CAPN8: variants seen among roughly 807,000 people sequenced by gnomAD.
The protein encoded by CAPN8 is calpain 8.
CAPN8 carries 87 observed loss-of-function variants against 80.9 expected under a neutral mutation model. The ratio of observed to expected loss-of-function variants is 1.07; its 90% CI spans 0.90 to 1.28. CAPN8 has a LOEUF of 1.28. Among genes scored for constraint, CAPN8 ranks in the 50% most tolerant of loss-of-function variants. The pLI, the probability that CAPN8 is intolerant of heterozygous loss-of-function variation, is 0.00. For missense variants in CAPN8, 757 were observed against 702.0 expected, an observed-to-expected ratio of 1.08 and a Z score of -0.89; for synonymous variants, 299 against 273.8, an observed-to-expected ratio of 1.09 and a Z score of -0.91.
At chr1:223,544,334 C>T in intron 18 of CAPN8, 151 bp from the exon 19 acceptor site, 1 of 609,572 alleles carries the variant, frequency 1.6e-6, no homozygotes, top group Non-Finnish European at 2.9e-6. Context: ...CAGGGGATCC[C>T]AGAAGGTGTC....
At chr1:223,619,514 CATACTGAGCACGG>C in intron 8 of CAPN8, 61 bp from the exon 9 acceptor site, 1 of 1,531,592 alleles carries the variant, frequency 6.5e-7, no homozygotes, top group Non-Finnish European at 8.8e-7. Context: ...TAAAGGCACG[CATACTGAGCACGG>C]GAAGGAGCCC....
At chr1:223,616,669 T>C (rs966624857) in intron 9 of CAPN8, among the ~76,000 whole-genome samples, 8 of 152,212 alleles carry the variant, frequency 5.3e-5, no homozygotes, top group Non-Finnish European at 4.4e-5. Flanking sequence ...GCCATCTGAT[T>C]GACACCTATT....
At chr1:223,612,197 C>A in intron 11 of CAPN8, 49 bp downstream of exon 11, 5 of 1,233,306 alleles carry the variant, frequency 4.1e-6, no homozygotes, top group Non-Finnish European at 5.1e-6. Flanking sequence ...CTGAAGGCAG[C>A]CAAGCTATTT....
intron 9 of CAPN8, chr1:223,617,280 T>TTG (rs1553336229): frequency 0.056 from 7,649 of 137,178 alleles, 283 homozygotes; most frequent in Non-Finnish European, 0.07. Context: ...ACTTTTTTTT[T>TTG]GGGGGGGGGG....
chr1:223,620,764 G>A (rs931125552), intron 7 of CAPN8, among the ~76,000 whole-genome samples: 9 of 152,092 alleles, frequency 5.9e-5, no homozygotes, highest in Admixed American at 6.5e-5. Flanking sequence ...TTACACCCAC[G>A]AGAATGATCA....
At chr1:223,553,995 A>G (rs1386728168) in intron 13 of CAPN8, 95 bp from the exon 14 acceptor site, 2 of 397,116 alleles carry the variant, frequency 5.0e-6, no homozygotes, top group Non-Finnish European at 8.9e-6. Flanking sequence ...ATTAGTATCT[A>G]TGATGCACCT....
chr1:223,620,157 C>CA, intron 8 of CAPN8, 35 bp downstream of exon 8: 1 of 1,531,422 alleles, frequency 6.5e-7, no homozygotes, highest in Non-Finnish European at 8.9e-7. Context: ...GACCCATCAC[C>CA]AATGGGACAG....
rs1052131405 is a variant in CAPN8, at chr1:223,557,147, T to A, written c.1572+984A>T. 4.9e-3 allele frequency among the ~76,000 whole-genome samples: 753 copies of A among 152,190 alleles called. 6 individuals carry two copies. The highest frequency in any genetic ancestry group is 0.027 in the Middle Eastern group (8 of 294). On this transcript the variant is annotated intron_variant, in intron 13 of 20. Coordinates refer to ENST00000366872, the MANE Select transcript of CAPN8 (RefSeq NM_001143962.2). ...CATGGGGCATGCATTTTCTATCTGATAAACTCACAACACAAACCCCCAAGG... is the reference window on the plus strand; with the variant it reads ...CATGGGGCATGCATTTTCTATCTGAAAAACTCACAACACAAACCCCCAAGG...
chr1:223,618,617 G>T (rs1353523202), intron 9 of CAPN8, among the ~76,000 whole-genome samples: 1 of 152,232 alleles, frequency 6.6e-6, no homozygotes, highest in Non-Finnish European at 1.5e-5. Context: ...AGCTGGGTGT[G>T]GGGAGGGGAG....
chr1:223,616,161 G>C lies in CAPN8; in HGVS notation c.1136-16C>G. 6.5e-7 allele frequency: 1 copy of C among 1,540,764 alleles called. No homozygotes were observed. The highest frequency in any genetic ancestry group is 8.8e-7 in the Non-Finnish European group (1 of 1,139,124). On this transcript the variant is annotated splice_polypyrimidine_tract_variant and intron_variant, in intron 9 of 20. Transcript: ENST00000366872. Reference sequence around the variant, plus strand: ...CAGTACGTGGCTGGAAGTCACCCAGGTGATGGTGGTTCCCCACGTAGCGGG... The same window carrying C: ...CAGTACGTGGCTGGAAGTCACCCAGCTGATGGTGGTTCCCCACGTAGCGGG...
intron 14 of CAPN8, among the ~76,000 whole-genome samples, chr1:223,552,062 C>A (rs902068707): frequency 6.6e-6 from 1 of 152,188 alleles, no homozygotes; most frequent in Non-Finnish European, 1.5e-5. Flanking sequence ...AGAAGGCGTG[C>A]TGGGCTGATG....
In CAPN8 at chr1:223,626,951, G is replaced by A. The variant is rs74982798; in HGVS notation, c.729+38C>T. On this transcript the variant is annotated intron_variant, in intron 5 of 20. Transcript: ENST00000366872. The stretch of plus-strand genomic sequence containing the variant: ...TCCCTACCACACAAGGGGTGGCGGT[G>A]GGGGGAGGTGGGGCAGTAGAGAAGC... 2.5e-3 allele frequency: 3,882 copies of A among 1,535,510 alleles called. 83 individuals are homozygous for A. The African/African-American group carries it at 0.047, about 18-fold the overall frequency.
intron 2 of CAPN8, chr1:223,644,075 CCTT>C (rs1472105346): frequency 8.7e-6 from 2 of 230,052 alleles, no homozygotes; most frequent in Non-Finnish European, 1.8e-5. Flanking sequence ...CAAACTATAT[CCTT>C]CTCAACAATT....
intron 2 of CAPN8, among the ~76,000 whole-genome samples, chr1:223,642,482 G>A (rs949264973): frequency 2.0e-5 from 3 of 152,168 alleles, no homozygotes; most frequent in African/African-American, 7.2e-5. Context: ...CCTGATAGCA[G>A]CGTAGAGGCA....
At chr1:223,618,355 G>C in intron 9 of CAPN8, 2 of 1,543,350 alleles carry the variant, frequency 1.3e-6, no homozygotes, top group Non-Finnish European at 1.8e-6. Context: ...AGGACCCAGG[G>C]TTAGTGCGGA....
chr1:223,653,680 G>C (rs1389356717), intron 2 of CAPN8, among the ~76,000 whole-genome samples: 1 of 152,172 alleles, frequency 6.6e-6, no homozygotes, highest in Non-Finnish European at 1.5e-5. Flanking sequence ...ACTCCCATCT[G>C]TGAAGCCTTG....
intron 19 of CAPN8, 64 bp downstream of exon 19, chr1:223,544,003 C>T (rs1656544038): frequency 1.1e-5 from 8 of 707,252 alleles, no homozygotes; most frequent in Non-Finnish European, 1.8e-5. Context: ...CCCCTTGGCC[C>T]TGCCCCTGCC....
chr1:223,654,667 A>ATTTAT lies in CAPN8; in HGVS notation c.238-273_238-269dup, dbSNP rs538956630. 2.0e-3 allele frequency among the ~76,000 whole-genome samples: 302 copies of ATTTAT among 151,738 alleles called. 1 individual carries two copies. Among genetic ancestry groups the ATTTAT allele is most frequent in the African/African-American group, 7.0e-3 (291 of 41,400 alleles). On this transcript the variant is annotated intron_variant, in intron 1 of 20. Coordinates refer to ENST00000366872, the MANE Select transcript of CAPN8 (RefSeq NM_001143962.2). ...TGTTTTCATTTTTTATTTATTTTTT[A>ATTTAT]TTTATTTTATTTTATTTTAAGTTTT...
At chr1:223,641,094 G>A (rs888902008) in intron 2 of CAPN8, among the ~76,000 whole-genome samples, 10 of 152,146 alleles carry the variant, frequency 6.6e-5, no homozygotes, top group African/African-American at 9.6e-5. Context: ...ATTGAAGGAC[G>A]GCCTTGGAGA....
Sources: gnomAD v4.1 joint callset for allele counts (sites outside exome capture counted in the v4.1 genomes callset) on GRCh38, gnomAD v4.1.1 for gene constraint, MANE v1.5 for transcripts, NCBI Gene and HGNC (gene_info 2026-07-23, HGNC 2026-07-21) for gene names.